ZNF717: variants seen among roughly 807,000 people sequenced by gnomAD.
ZNF717 encodes zinc finger protein 717.
A neutral mutation model predicts 13.8 loss-of-function variants in ZNF717; 9 were observed. That is an observed-to-expected ratio of 0.65 (90% confidence interval 0.39 to 1.14). The LOEUF (loss-of-function observed/expected upper bound fraction) is 1.14, where lower values mean the gene tolerates loss of function less well. ZNF717 is among the 50% of genes most tolerant of loss of function. The pLI, the probability that ZNF717 is intolerant of heterozygous loss-of-function variation, is 0.01. For missense variants in ZNF717, 1,040 were observed against 1,080.7 expected (o/e 0.96, Z 0.53); for synonymous variants, 327 against 364.1 (o/e 0.90, Z 1.16).
At position 75,735,921 on chromosome 3, in the gene ZNF717, A is replaced by G. The variant is rs1207168854; in HGVS notation, c.*957T>C. 11 of 152,278 alleles carry G rather than the reference A, an allele frequency of 7.2e-5. No individual in the cohort carries two copies. The highest frequency in any genetic ancestry group is 2.4e-4 in the African/African-American group (10 of 41,540). The allele number at this position is 152,278 out of a possible 1,614,324, so 9.4% of individuals were successfully genotyped here. ...GGCAACATCACCTTTTTAACAAATT[A>G]AAGATTTGTGGCCACGAAGTGCTCA... On this transcript the variant is annotated 3_prime_UTR_variant, in exon 5 of 5. Transcript: ENST00000652011.
chr3:75,725,469 A>G (rs200112861), downstream of ZNF717, among the ~76,000 whole-genome samples: 273 of 152,382 alleles, frequency 1.8e-3, no homozygotes, highest in African/African-American at 5.9e-3. Flanking sequence ...AAGATTATGT[A>G]GCCATCACCC....
At chr3:75,753,513 G>A (rs1481772954) in intron 2 of ZNF717, among the ~76,000 whole-genome samples, 22 of 148,378 alleles carry the variant, frequency 1.5e-4, no homozygotes, top group African/African-American at 5.5e-4. Context: ...CCGTTACATA[G>A]GATTCCAGAA....
intron 2 of ZNF717, among the ~76,000 whole-genome samples, chr3:75,755,280 G>A (rs1942372386): frequency 6.6e-6 from 1 of 152,230 alleles, no homozygotes; most frequent in Non-Finnish European, 1.5e-5. Flanking sequence ...AGAAAGAATT[G>A]TGGTACAATA....
At chr3:75,713,308 G>A (rs1187348814) in intron 5 of ZNF717, among the ~76,000 whole-genome samples, 2 of 151,608 alleles carry the variant, frequency 1.3e-5, no homozygotes, top group African/African-American at 4.8e-5. Flanking sequence ...GTGTCACCAT[G>A]CCTGGCTAAC....
chr3:75,757,819 T>C (rs1418913910), intron 2 of ZNF717, among the ~76,000 whole-genome samples: 1 of 151,678 alleles, frequency 6.6e-6, no homozygotes, highest in Non-Finnish European at 1.5e-5. Flanking sequence ...AATAGCAACA[T>C]TAGGAGAAGT....
chr3:75,718,099 C>A (rs79339196), intron 4 of ZNF717, among the ~76,000 whole-genome samples: 285 of 141,416 alleles, frequency 2.0e-3, no homozygotes, highest in Middle Eastern at 3.5e-3. Flanking sequence ...ACTCCCATGA[C>A]AGAACTCTGG....
intron 4 of ZNF717, among the ~76,000 whole-genome samples, chr3:75,723,722 C>A (rs1400343114): frequency 6.6e-6 from 1 of 151,174 alleles, no homozygotes; most frequent in Non-Finnish European, 1.5e-5. Flanking sequence ...GTAACACCAG[C>A]GCCTGGGAAG....
chr3:75,738,926 C>T lies in ZNF717; in HGVS notation c.697G>A (p.Val233Ile). 2 of 1,551,506 alleles carry T rather than the reference C, an allele frequency of 1.3e-6. No homozygotes were observed. Among genetic ancestry groups the T allele is most frequent in the South Asian group, 2.4e-5 (2 of 84,064 alleles). ...TCATTATATTTACCAAAGGTCTGTA[C>T]TATATGAACCCTCTTATGTATAAAG... ...MFFIHKRVHI[V>I]QTFGKYNEYE... The change falls in exon 5 of 5, where the codon GTA becomes ATA. Residue 233 changes from valine (V) to isoleucine (I), a missense_variant. By Grantham distance (29) the Val-to-Ile change is conservative (BLOSUM62 3). Around this residue, in one of 3 missense-constraint regions of ZNF717, gnomAD observed 873 missense variants for 832.8 expected, o/e 1.05. Coordinates refer to ENST00000652011, the MANE Select transcript of ZNF717 (RefSeq NM_001290208.3).
In ZNF717 at chr3:75,721,426, C is replaced by T. The variant is rs143940464; in HGVS notation, n.545-4885G>A. Among the ~76,000 whole-genome samples the T allele has an allele frequency of 3.9e-5, 6 of 152,208 alleles. No homozygotes were observed. In the East Asian group the frequency reaches 5.8e-4, roughly 15 times the overall value. On this transcript the variant is annotated intron_variant and non_coding_transcript_variant, in intron 4 of 5. Transcript: ENST00000491507. ...TGTCCTGAGTAGCTGGGATTACAGG[C>T]GAGCGCCAGCACGCCTGGCTAATTT...
chr3:75,719,185 C>T (rs1231436307), intron 4 of ZNF717, among the ~76,000 whole-genome samples: 1 of 150,684 alleles, frequency 6.6e-6, no homozygotes. Context: ...GTCTCAGGTA[C>T]TTGGGAAGCT....
chr3:75,772,898 C>G (rs1009600130), intron 2 of ZNF717, among the ~76,000 whole-genome samples: 1 of 152,218 alleles, frequency 6.6e-6, no homozygotes, highest in Non-Finnish European at 1.5e-5. Context: ...GGTAAATTCT[C>G]TCTCGGATTT....
chr3:75,775,679 C>A (rs1323168603), intron 2 of ZNF717, among the ~76,000 whole-genome samples: 1 of 151,910 alleles, frequency 6.6e-6, no homozygotes, highest in Non-Finnish European at 1.5e-5. Flanking sequence ...ATGGTGAAAC[C>A]CCGCCTCTAC....
intron 6 of ZNF717, among the ~76,000 whole-genome samples, chr3:75,701,929 T>C (rs1937705100): frequency 6.6e-6 from 1 of 152,306 alleles, no homozygotes; most frequent in African/African-American, 2.4e-5. Flanking sequence ...AAACCCAAAA[T>C]GAGATATCAT....
chr3:75,756,928 G>A (rs375723378), intron 2 of ZNF717, among the ~76,000 whole-genome samples: 2 of 152,178 alleles, frequency 1.3e-5, no homozygotes, highest in East Asian at 1.9e-4. Flanking sequence ...TGCCCGCCTC[G>A]GCCTCCCAAA....
chr3:75,694,753 C>G (rs573133053), intron 6 of ZNF717, among the ~76,000 whole-genome samples: 52 of 152,314 alleles, frequency 3.4e-4, no homozygotes, highest in African/African-American at 1.1e-3. Context: ...TTTGTTGATG[C>G]AATCAGTGTT....
At chr3:75,764,717 C>T (rs1366263924) in intron 2 of ZNF717, among the ~76,000 whole-genome samples, 2 of 152,040 alleles carry the variant, frequency 1.3e-5, no homozygotes, top group East Asian at 1.9e-4. Flanking sequence ...CAAATAGAAA[C>T]CACAATGGGA....
chr3:75,761,154 C>T (rs1575897099), intron 2 of ZNF717, among the ~76,000 whole-genome samples: 1 of 152,142 alleles, frequency 6.6e-6, no homozygotes, highest in Admixed American at 6.5e-5. Flanking sequence ...CAAAAACCCC[C>T]CAAAAAAGAA....
rs3035116 is a variant in ZNF717, at chr3:75,722,091, CA to C, written n.545-5551del. On this transcript the variant is annotated intron_variant and non_coding_transcript_variant, in intron 4 of 5. Transcript: ENST00000491507. ...TGAAACCCCATCTCTACTAAAAATA[CA>C]AAAAAAAAAAAAAAAAAATTAGCTG... Among the ~76,000 whole-genome samples, 266 of 137,930 alleles carry C rather than the reference CA, an allele frequency of 1.9e-3. 1 individual carries two copies. The highest frequency in any genetic ancestry group is 4.7e-3 in the Admixed American group (65 of 13,754). The allele number at this position is 137,930 out of a possible 152,430, so 90.5% of individuals were successfully genotyped here. A position where few individuals can be genotyped will look rare whatever the true frequency, so the allele number is the denominator to read the frequency against.
chr3:75,738,472 A>C lies in ZNF717; in HGVS notation c.1151T>G (p.Leu384Ter). ...KTFHCKSLLT[L>*]HHRTHSGEKP... ...TTCCCCTGAGTGAGTTCTGTGATGT[A>C]AAGTGAGAAGTGACTTACAGTGAAA... Residue 384 changes from leucine (L) to a stop codon, truncating the protein, a stop_gained, in exon 5 of 5, where the codon TTA (leucine) becomes TGA (stop). Coordinates refer to ENST00000652011, the MANE Select transcript of ZNF717 (RefSeq NM_001290208.3). LOFTEE classifies it low-confidence loss of function (END_TRUNC). 1 of 1,532,270 alleles carries C rather than the reference A, an allele frequency of 6.5e-7. No individual in the cohort carries two copies. Among genetic ancestry groups the C allele is most frequent in the Non-Finnish European group, 8.8e-7 (1 of 1,133,096 alleles). The allele number at this position is 1,532,270 out of a possible 1,614,324, so 94.9% of individuals were successfully genotyped here. A position where few individuals can be genotyped will look rare whatever the true frequency, so the allele number is the denominator to read the frequency against.
Sources: allele counts gnomAD v4.1 joint callset (sites outside exome capture counted in the v4.1 genomes callset), GRCh38; gene constraint gnomAD v4.1.1; regional missense constraint gnomAD v4.1.1; transcripts MANE v1.5; gene names NCBI Gene and HGNC (gene_info 2026-07-23, HGNC 2026-07-21).